LINGO2: variants seen among roughly 807,000 people sequenced by gnomAD.
The protein encoded by LINGO2 is leucine-rich repeat and immunoglobulin-like domain-containing nogo receptor-interacting protein 2.
In LINGO2, 14 loss-of-function variants were observed where a neutral mutation model predicts 30.6. The observed-to-expected ratio is 0.46, with a 90% confidence interval of 0.30 to 0.72. The LOEUF is 0.72. Among genes scored for constraint, LINGO2 ranks in the 30% least tolerant of loss-of-function variants. The pLI, the probability that LINGO2 is intolerant of heterozygous loss-of-function variation, is 0.07. For synonymous variants in LINGO2, 317 were observed against 288.5 expected (o/e 1.10, Z -1.00); for missense variants, 729 against 751.7 (o/e 0.97, Z 0.35).
intron 1 of LINGO2, among the ~76,000 whole-genome samples, chr9:28,567,862 C>A (rs1410174498): frequency 6.6e-6 from 1 of 151,916 alleles, no homozygotes; most frequent in African/African-American, 2.4e-5. Flanking sequence ...AGATTCAAAG[C>A]ATGGAAGGCT....
the LINGO2 span, among the ~76,000 whole-genome samples, chr9:28,753,881 A>C: frequency 1.3e-5 from 2 of 152,032 alleles, no homozygotes; most frequent in Non-Finnish European, 2.9e-5. Context: ...GCACTTAATA[A>C]ATATCCAGTA....
the LINGO2 span, among the ~76,000 whole-genome samples, chr9:28,681,272 G>A: frequency 2.0e-5 from 3 of 152,008 alleles, no homozygotes; most frequent in African/African-American, 7.2e-5. Context: ...TGCTATGCCA[G>A]ATGCACTAGA....
the LINGO2 span, among the ~76,000 whole-genome samples, chr9:28,884,065 C>A: frequency 6.6e-6 from 1 of 151,906 alleles, no homozygotes; most frequent in East Asian, 1.9e-4. Context: ...AAGTGTCATG[C>A]TAAGTTTTCT....
the LINGO2 span, among the ~76,000 whole-genome samples, chr9:29,003,589 G>A: frequency 8.5e-5 from 13 of 152,084 alleles, no homozygotes; most frequent in East Asian, 1.9e-4. Flanking sequence ...GCTGATGGTT[G>A]GAAAGGTGAC....
chr9:28,851,274 G>T, the LINGO2 span, among the ~76,000 whole-genome samples: 1 of 152,024 alleles, frequency 6.6e-6, no homozygotes, highest in Non-Finnish European at 1.5e-5. Flanking sequence ...CCATTTGCTT[G>T]CTTCCATTCA....
chr9:29,099,207 T>G, the LINGO2 span, among the ~76,000 whole-genome samples: 1 of 152,192 alleles, frequency 6.6e-6, no homozygotes, highest in Non-Finnish European at 1.5e-5. Flanking sequence ...GACCCCTATA[T>G]CTCTCACCAC....
At chr9:29,055,949 C>CATATATGTATATAT in the LINGO2 span, among the ~76,000 whole-genome samples, 3 of 123,138 alleles carry the variant, frequency 2.4e-5, no homozygotes, top group Non-Finnish European at 3.5e-5. Flanking sequence ...TGTATATATA[C>CATATATGTATATAT]ATATATATGT....
intron 2 of LINGO2, among the ~76,000 whole-genome samples, chr9:28,440,545 C>G (rs1041621939): frequency 6.6e-6 from 1 of 152,084 alleles, no homozygotes; most frequent in Non-Finnish European, 1.5e-5. Context: ...GCTTCTTAAA[C>G]CTTCCAGAGC....
the LINGO2 span, among the ~76,000 whole-genome samples, chr9:29,014,364 C>T: frequency 6.6e-6 from 1 of 152,078 alleles, no homozygotes; most frequent in Non-Finnish European, 1.5e-5. Flanking sequence ...CTGCACTTGC[C>T]TATTTTGGGT....
intron 2 of LINGO2, among the ~76,000 whole-genome samples, chr9:28,428,291 G>A (rs941323726): frequency 6.6e-6 from 1 of 152,070 alleles, no homozygotes; most frequent in African/African-American, 2.4e-5. Context: ...GATTCTTTGG[G>A]CAATCTTTGA....
intron 4 of LINGO2, among the ~76,000 whole-genome samples, chr9:28,145,657 C>G (rs376970934): frequency 6.6e-6 from 1 of 152,064 alleles, no homozygotes; most frequent in Admixed American, 6.6e-5. Context: ...CCCTCCCTCA[C>G]TTCTCTTCCT....
chr9:28,816,416 T>C, the LINGO2 span, among the ~76,000 whole-genome samples: 120 of 152,348 alleles, frequency 7.9e-4, 1 homozygote, highest in East Asian at 0.021. Context: ...TGCTATTTTT[T>C]ATCAACCTCA....
At chr9:28,467,159 G>A (rs1465268818) in intron 2 of LINGO2, among the ~76,000 whole-genome samples, 2 of 152,086 alleles carry the variant, frequency 1.3e-5, no homozygotes, top group East Asian at 3.9e-4. Context: ...CCGAGTAGCT[G>A]GGATTACAGG....
chr9:28,553,233 G>T (rs958346268), intron 1 of LINGO2, among the ~76,000 whole-genome samples: 1 of 152,014 alleles, frequency 6.6e-6, no homozygotes, highest in Non-Finnish European at 1.5e-5. Flanking sequence ...CAAAGACAAA[G>T]AAGTTGAAAA....
At position 28,181,019 on chromosome 9, in the gene LINGO2, G is replaced by A. The variant is rs534594718; in HGVS notation, c.-87+114189C>T. ...TTGCATCAACGTGAGAAAATGTACTGTTTGATTTTTATTAGATTTAGGTAA... is the reference window on the plus strand; with the variant it reads ...TTGCATCAACGTGAGAAAATGTACTATTTGATTTTTATTAGATTTAGGTAA... On this transcript the variant is annotated intron_variant, in intron 4 of 5. Transcript: ENST00000379992. 9.4e-4 allele frequency among the ~76,000 whole-genome samples: 143 copies of A among 152,266 alleles called. 1 individual carries two copies. The highest frequency in any genetic ancestry group is 3.3e-3 in the African/African-American group (139 of 41,566).
chr9:28,096,887 T>C (rs1390855745), intron 4 of LINGO2, among the ~76,000 whole-genome samples: 1 of 152,198 alleles, frequency 6.6e-6, no homozygotes, highest in Non-Finnish European at 1.5e-5. Flanking sequence ...AATGTTTTCA[T>C]GCTTAACTTG....
At chr9:28,977,462 G>A in the LINGO2 span, among the ~76,000 whole-genome samples, 1 of 151,976 alleles carries the variant, frequency 6.6e-6, no homozygotes, top group Non-Finnish European at 1.5e-5. Context: ...ATTTTTGAAA[G>A]CATAAAGTGA....
the LINGO2 span, among the ~76,000 whole-genome samples, chr9:29,020,190 G>A: frequency 6.6e-6 from 1 of 151,600 alleles, no homozygotes; most frequent in African/African-American, 2.4e-5. Flanking sequence ...CATCTTCTTG[G>A]GTGGGCATAT....
intron 5 of LINGO2, among the ~76,000 whole-genome samples, chr9:27,967,942 C>T (rs1408544314): frequency 6.6e-6 from 1 of 152,030 alleles, no homozygotes; most frequent in Admixed American, 6.6e-5. Context: ...CTTTATATTC[C>T]AAAAACTGTA....
Sources: allele counts gnomAD v4.1 joint callset (sites outside exome capture counted in the v4.1 genomes callset), GRCh38; gene constraint gnomAD v4.1.1; transcripts MANE v1.5; gene names NCBI Gene and HGNC (gene_info 2026-07-23, HGNC 2026-07-21).